Variants in KLHL29 observed in about 807,000 individuals in gnomAD.
KLHL29 encodes the protein kelch-like protein 29.
In KLHL29, 21 loss-of-function variants were observed where a neutral mutation model predicts 80.4. That is an observed-to-expected ratio of 0.26 (90% CI 0.19 to 0.38). The LOEUF (loss-of-function observed/expected upper bound fraction) is 0.38, where lower values mean the gene tolerates loss of function less well. Among genes scored for constraint, KLHL29 ranks in the 10% least tolerant of loss-of-function variants. The probability of loss-of-function intolerance (pLI) is 1.00; values close to 1 mark genes in which losing one functional copy is unlikely to be tolerated. For synonymous variants in KLHL29, 511 were observed against 526.8 expected, an observed-to-expected ratio of 0.97 and a Z score of 0.41; for missense variants, 867 against 1,223.9, an observed-to-expected ratio of 0.71 and a Z score of 4.35.
At chr2:23,566,516 A>G (rs948635386) in intron 3 of KLHL29, among the ~76,000 whole-genome samples, 4 of 152,188 alleles carry the variant, frequency 2.6e-5, no homozygotes, top group African/African-American at 9.6e-5. Context: ...CTGCTCATCC[A>G]CCCAGCTGAT....
intron 2 of KLHL29, among the ~76,000 whole-genome samples, chr2:23,543,716 C>T (rs1045309468): frequency 2.0e-5 from 3 of 152,228 alleles, no homozygotes; most frequent in Non-Finnish European, 2.9e-5. Context: ...TTTCCACTGC[C>T]GAAAGGCCTC....
chr2:23,491,642 G>A (rs968184261), intron 2 of KLHL29, among the ~76,000 whole-genome samples: 1 of 152,074 alleles, frequency 6.6e-6, no homozygotes, highest in African/African-American at 2.4e-5. Context: ...CCATATCACT[G>A]TCTTCCAGCC....
At chr2:23,403,175 T>A (rs1666637724) in intron 1 of KLHL29, among the ~76,000 whole-genome samples, 1 of 152,160 alleles carries the variant, frequency 6.6e-6, no homozygotes, top group Non-Finnish European at 1.5e-5. Flanking sequence ...GATAAAAATT[T>A]ACCTAACAAG....
intron 1 of KLHL29, among the ~76,000 whole-genome samples, chr2:23,389,505 T>C (rs928177294): frequency 9.6e-5 from 14 of 145,862 alleles, no homozygotes; most frequent in African/African-American, 3.2e-4. Flanking sequence ...AGAAACATCA[T>C]GAATAAGAAA....
At chr2:23,538,911 C>A (rs988477535) in intron 2 of KLHL29, among the ~76,000 whole-genome samples, 3 of 152,224 alleles carry the variant, frequency 2.0e-5, no homozygotes, top group Non-Finnish European at 4.4e-5. Context: ...CATCATCAAT[C>A]CCTCCGGCTT....
chr2:23,422,214 A>G (rs62651719), intron 1 of KLHL29, among the ~76,000 whole-genome samples: 11,225 of 142,404 alleles, frequency 0.079, 616 homozygotes, highest in Non-Finnish European at 0.12. Flanking sequence ...CAGTGTGTCT[A>G]TGTCTGTGTG....
At chr2:23,623,457 T>G (rs532657370) in intron 3 of KLHL29, among the ~76,000 whole-genome samples, 9 of 152,332 alleles carry the variant, frequency 5.9e-5, no homozygotes, top group Non-Finnish European at 1.0e-4. Context: ...CCATCATGTT[T>G]GTTGATGTTT....
At chr2:23,437,436 C>T (rs562433111) in intron 1 of KLHL29, among the ~76,000 whole-genome samples, 1 of 152,264 alleles carries the variant, frequency 6.6e-6, no homozygotes, top group Admixed American at 6.5e-5. Context: ...TTTTCTTTTA[C>T]GTAGGTGACC....
intron 5 of KLHL29, among the ~76,000 whole-genome samples, chr2:23,646,800 G>GAAT (rs1448081436): frequency 1.3e-5 from 2 of 152,206 alleles, no homozygotes; most frequent in African/African-American, 4.8e-5. Context: ...GAGGCACAGG[G>GAAT]AATAGCTGTG....
chr2:23,504,695 G>A (rs904580318), intron 2 of KLHL29, among the ~76,000 whole-genome samples: 12 of 152,242 alleles, frequency 7.9e-5, no homozygotes, highest in East Asian at 3.9e-4. Context: ...TTCTAGTGCC[G>A]GGGCTGGGCT....
At chr2:23,422,682 G>A (rs990717605) in intron 1 of KLHL29, among the ~76,000 whole-genome samples, 23 of 151,350 alleles carry the variant, frequency 1.5e-4, no homozygotes, top group African/African-American at 4.9e-4. Flanking sequence ...TGTCTGTGTT[G>A]TGTGTATGTC....
chr2:23,658,823 C>G (rs1309948700), intron 5 of KLHL29, among the ~76,000 whole-genome samples: 1 of 152,216 alleles, frequency 6.6e-6, no homozygotes, highest in Non-Finnish European at 1.5e-5. Context: ...GCTCAAATTG[C>G]TGGGCCGGTC....
intron 1 of KLHL29, among the ~76,000 whole-genome samples, chr2:23,387,355 T>A (rs1433628648): frequency 1.3e-5 from 2 of 152,218 alleles, no homozygotes; most frequent in Non-Finnish European, 2.9e-5. Context: ...TATACTAGTT[T>A]CAGTCTCTTT....
intron 2 of KLHL29, among the ~76,000 whole-genome samples, chr2:23,551,983 C>T (rs768353123): frequency 3.3e-5 from 5 of 152,266 alleles, no homozygotes; most frequent in Non-Finnish European, 7.3e-5. Flanking sequence ...AAGGTCAGTG[C>T]TGGACTGCTT....
intron 3 of KLHL29, among the ~76,000 whole-genome samples, chr2:23,600,650 G>C (rs1668546725): frequency 6.6e-6 from 1 of 152,180 alleles, no homozygotes; most frequent in Admixed American, 6.5e-5. Flanking sequence ...ATCAACTCCT[G>C]GATGGGACTT....
At chr2:23,630,137 A>AG (rs1220588839) in intron 3 of KLHL29, among the ~76,000 whole-genome samples, 2 of 152,230 alleles carry the variant, frequency 1.3e-5, no homozygotes, top group East Asian at 3.8e-4. Context: ...TGAAGTGCTG[A>AG]GGTGGGCAGC....
In KLHL29 at chr2:23,562,387, C is replaced by T; in HGVS notation, c.191C>T (p.Pro64Leu). The change falls in exon 3 of 14, where the codon CCC (proline) becomes CTC (leucine). Residue 64 changes from proline (P) to leucine (L), a missense_variant. This residue lies in a region of KLHL29 where 424 missense variants were observed against 456.9 expected (regional missense o/e 0.93). Transcript: ENST00000486442. The surrounding 1 kb of genome is among the most constrained non-coding windows in gnomAD (Gnocchi z 4.5). ...LPLPVVPSRLPTPATAPAPCT... is the reference protein window; with the variant it reads ...LPLPVVPSRLLTPATAPAPCT... ...CTGCCCGTGGTGCCCTCCCGGCTGC[C>T]CACCCCGGCTACAGCTCCTGCTCCC... 7.8e-6 allele frequency: 12 copies of T among 1,539,446 alleles called. No individual in the cohort carries two copies. Among genetic ancestry groups the T allele is most frequent in the Non-Finnish European group, 1.0e-5 (12 of 1,146,026 alleles).
intron 3 of KLHL29, among the ~76,000 whole-genome samples, chr2:23,626,419 G>A (rs547105814): frequency 1.3e-5 from 2 of 152,364 alleles, no homozygotes; most frequent in South Asian, 4.1e-4. Flanking sequence ...AAGCCATCCA[G>A]TGATATTTTA....
intron 3 of KLHL29, among the ~76,000 whole-genome samples, chr2:23,620,288 G>A (rs1669137486): frequency 6.6e-6 from 1 of 152,194 alleles, no homozygotes; most frequent in Non-Finnish European, 1.5e-5. Flanking sequence ...TCGACAATGG[G>A]ATTGGAAGGT....
Sources: allele counts gnomAD v4.1 joint callset (sites outside exome capture counted in the v4.1 genomes callset), GRCh38; gene constraint gnomAD v4.1.1; regional missense constraint gnomAD v4.1.1; non-coding constraint Gnocchi (gnomAD v3.1); transcripts MANE v1.5; gene names NCBI Gene and HGNC (gene_info 2026-07-23, HGNC 2026-07-21).